The following IL1RAPL2 variants were observed in gnomAD, a reference collection of about 807,000 sequenced individuals.
The protein encoded by IL1RAPL2 is interleukin 1 receptor accessory protein like 2, also known as X-linked interleukin-1 receptor accessory protein-like 2.
A neutral mutation model predicts 44.1 loss-of-function variants in IL1RAPL2; 3 were observed. That is an observed-to-expected ratio of 0.07 (90% confidence interval 0.03 to 0.18). The LOEUF (loss-of-function observed/expected upper bound fraction) is 0.18. IL1RAPL2 is among the 10% of genes least tolerant of loss of function. The probability of loss-of-function intolerance (pLI) is 1.00; values close to 1 mark genes in which losing one functional copy is unlikely to be tolerated. For synonymous variants in IL1RAPL2, 181 were observed against 178.8 expected (o/e 1.01, Z -0.10); for missense variants, 391 against 496.4 (o/e 0.79, Z 2.02).
At chrX:105,719,864 G>GTAAT (rs1485799609) in intron 7 of IL1RAPL2, among the ~76,000 whole-genome samples, 2 of 111,144 alleles carry the variant, frequency 1.8e-5, no homozygotes, top group African/African-American at 6.5e-5. Flanking sequence ...TTTGAAGTTT[G>GTAAT]TAATTAGTAA....
At chrX:104,728,612 A>G (rs1419270203) in intron 2 of IL1RAPL2, among the ~76,000 whole-genome samples, 3 of 111,442 alleles carry the variant, frequency 2.7e-5, no homozygotes, top group African/African-American at 9.8e-5. Flanking sequence ...ACGTCCTTAT[A>G]AAAAGGGGAA....
chrX:105,221,837 A>G (rs1267067686), intron 3 of IL1RAPL2, among the ~76,000 whole-genome samples: 1 of 111,476 alleles, frequency 9.0e-6, no homozygotes, highest in African/African-American at 3.3e-5. Flanking sequence ...CCTCAAAATC[A>G]AATTTTTAAG....
At chrX:104,793,241 G>T (rs546535654) in intron 2 of IL1RAPL2, among the ~76,000 whole-genome samples, 6 of 111,612 alleles carry the variant, frequency 5.4e-5, no homozygotes, top group African/African-American at 2.0e-4. Context: ...GAACTAAGTG[G>T]TATATTTTCT....
At chrX:105,187,773 C>T (rs2033601875) in intron 2 of IL1RAPL2, among the ~76,000 whole-genome samples, 1 of 111,157 alleles carries the variant, frequency 9.0e-6, no homozygotes, top group Admixed American at 9.6e-5. Flanking sequence ...AAGTTTCAGT[C>T]GAACAGTAGG....
rs775504296 is a variant in IL1RAPL2, at chrX:105,524,685, CATT to C, written c.772+40302_772+40304del. The stretch of plus-strand genomic sequence containing the variant: ...TGGAATATATATTTTCTTCTGGTCT[CATT>C]ATTTTAAAATGTTGCACTTACCAGG... On this transcript the variant is annotated intron_variant, in intron 6 of 10. Transcript: ENST00000372582. Among the ~76,000 whole-genome samples, 16 of 110,556 alleles carry C rather than the reference CATT, an allele frequency of 1.4e-4. No homozygotes were observed. In the East Asian group the frequency reaches 4.6e-3, roughly 31 times the overall value.
intron 2 of IL1RAPL2, among the ~76,000 whole-genome samples, chrX:105,124,873 TAA>T (rs1317008981): frequency 9.0e-6 from 1 of 111,250 alleles, no homozygotes; most frequent in Non-Finnish European, 1.9e-5. Flanking sequence ...AAAATTTGAA[TAA>T]AATGTTCCTG....
chrX:105,515,496 A>G (rs1212181319), intron 6 of IL1RAPL2, among the ~76,000 whole-genome samples: 1 of 110,481 alleles, frequency 9.1e-6, no homozygotes, highest in Non-Finnish European at 1.9e-5. Flanking sequence ...TTTTTCTGAC[A>G]TAGACACTTA....
chrX:105,332,466 G>C (rs1440092485), intron 5 of IL1RAPL2, among the ~76,000 whole-genome samples: 1 of 110,805 alleles, frequency 9.0e-6, no homozygotes, highest in Non-Finnish European at 1.9e-5. Context: ...TTTTCTGAAG[G>C]ATGCCAACTT....
At chrX:105,458,077 G>A (rs1444829515) in intron 5 of IL1RAPL2, among the ~76,000 whole-genome samples, 1 of 111,489 alleles carries the variant, frequency 9.0e-6, no homozygotes, top group Non-Finnish European at 1.9e-5. Flanking sequence ...GACTAATGAT[G>A]TTGAACATCT....
At chrX:104,764,990 C>A (rs1932531987) in intron 2 of IL1RAPL2, among the ~76,000 whole-genome samples, 1 of 111,812 alleles carries the variant, frequency 8.9e-6, no homozygotes, top group South Asian at 3.7e-4. Context: ...CATAAATGTT[C>A]ATCAGAGATA....
chrX:105,715,923 T>A (rs1172642666), intron 6 of IL1RAPL2, among the ~76,000 whole-genome samples: 3 of 111,349 alleles, frequency 2.7e-5, no homozygotes, highest in African/African-American at 9.8e-5. Context: ...AACTCATATA[T>A]GACACAAGCC....
chrX:104,863,095 G>T (rs764025710), intron 2 of IL1RAPL2, among the ~76,000 whole-genome samples: 1 of 111,800 alleles, frequency 8.9e-6, no homozygotes, highest in Non-Finnish European at 1.9e-5. Flanking sequence ...ATTCTATGAA[G>T]GCTAGACAGT....
At chrX:104,588,906 C>T (rs1286761059) in intron 1 of IL1RAPL2, among the ~76,000 whole-genome samples, 3 of 111,481 alleles carry the variant, frequency 2.7e-5, no homozygotes, top group African/African-American at 9.8e-5. Flanking sequence ...AGATTATGTC[C>T]AAGACATGGT....
intron 2 of IL1RAPL2, among the ~76,000 whole-genome samples, chrX:104,727,334 AT>A (rs1346479097): frequency 9.0e-6 from 1 of 111,542 alleles, no homozygotes; most frequent in African/African-American, 3.3e-5. Context: ...TATGAAAAAA[AT>A]AATCATCATC....
At position 105,653,811 on chromosome X, in the gene IL1RAPL2, T is replaced by C. The variant is rs186700098; in HGVS notation, c.773-63556T>C. On this transcript the variant is annotated intron_variant, in intron 6 of 10. Coordinates refer to ENST00000372582, the MANE Select transcript of IL1RAPL2 (RefSeq NM_017416.2). ...TTAAAAGAACCAGGGCCATCCACTG[T>C]TTTTTGTGTATGTGTTTTTGCTTGT... Among the ~76,000 whole-genome samples, 4 of 111,693 alleles carry C rather than the reference T, an allele frequency of 3.6e-5. No homozygotes were observed. The Admixed American group carries it at 3.8e-4, about 11-fold the overall frequency.
chrX:105,022,427 G>T (rs73518208), intron 2 of IL1RAPL2, among the ~76,000 whole-genome samples: 1 of 111,325 alleles, frequency 9.0e-6, no homozygotes, highest in Non-Finnish European at 1.9e-5. Flanking sequence ...ACAGTCACAC[G>T]TATTAAATGA....
At chrX:104,873,616 C>T (rs1922822138) in intron 2 of IL1RAPL2, among the ~76,000 whole-genome samples, 1 of 110,943 alleles carries the variant, frequency 9.0e-6, no homozygotes, top group Non-Finnish European at 1.9e-5. Flanking sequence ...GGAGGAAGAG[C>T]AAGGCGGTAA....
intron 2 of IL1RAPL2, among the ~76,000 whole-genome samples, chrX:104,857,041 A>G (rs767702225): frequency 1.9e-4 from 21 of 112,368 alleles, no homozygotes; most frequent in East Asian, 8.4e-4. Flanking sequence ...AAAGCAATTG[A>G]AGACATTCCC....
intron 2 of IL1RAPL2, among the ~76,000 whole-genome samples, chrX:104,748,260 C>T (rs1259312240): frequency 9.0e-6 from 1 of 111,693 alleles, no homozygotes; most frequent in Non-Finnish European, 1.9e-5. Flanking sequence ...TGAAGAAAAT[C>T]TGTGTGAAAT....
Sources: allele counts gnomAD v4.1 joint callset (sites outside exome capture counted in the v4.1 genomes callset), GRCh38; gene constraint gnomAD v4.1.1; transcripts MANE v1.5; gene names NCBI Gene and HGNC (gene_info 2026-07-23, HGNC 2026-07-21).